Variants in ANK2 observed in about 807,000 individuals in gnomAD.
ANK2 encodes the protein ankyrin 2.
ANK2 carries 83 observed loss-of-function variants against 360.5 expected under a neutral mutation model. That is an observed-to-expected ratio of 0.23 (90% confidence interval 0.19 to 0.28). ANK2 has a LOEUF of 0.28. Among genes scored for constraint, ANK2 ranks in the 10% least tolerant of loss-of-function variants. ANK2 has a pLI of 1.00. For synonymous variants in ANK2, 1,740 were observed against 1,759.5 expected (o/e 0.99, Z 0.28); for missense variants, 4,201 against 4,795.7 (o/e 0.88, Z 3.66).
chr4:113,338,650 C>T (rs1282851995), intron 31 of ANK2, among the ~76,000 whole-genome samples: 2 of 148,244 alleles, frequency 1.3e-5, no homozygotes, highest in African/African-American at 2.5e-5. Flanking sequence ...CCTGGGTTCA[C>T]GCCATTCTCC....
chr4:113,175,417 T>C (rs185905904), intron 2 of ANK2, among the ~76,000 whole-genome samples: 46 of 152,324 alleles, frequency 3.0e-4, no homozygotes, highest in African/African-American at 1.1e-3. Flanking sequence ...CCCTAATTCC[T>C]ACCTGCTGAT....
intron 45 of ANK2, among the ~76,000 whole-genome samples, 192 bp from the exon 46 acceptor site, chr4:113,381,265 C>T (rs1019500514): frequency 1.3e-5 from 2 of 151,982 alleles, no homozygotes; most frequent in Non-Finnish European, 2.9e-5. Flanking sequence ...TCTCATGAAT[C>T]GTTTGAGAGA....
intron 2 of ANK2, chr4:113,033,874 T>A (rs558590521): frequency 6.6e-6 from 1 of 152,142 alleles, no homozygotes; most frequent in South Asian, 2.1e-4. Context: ...TGCCTGGCTG[T>A]CTGAATTATA....
At chr4:112,826,994 A>T (rs2058553389) in intron 1 of ANK2, 1 of 1,518,682 alleles carries the variant, frequency 6.6e-7, no homozygotes, top group East Asian at 2.2e-5. Flanking sequence ...TTTTTATTGG[A>T]GTTCTACAAA....
chr4:112,921,737 T>C (rs1380999808), intron 2 of ANK2, among the ~76,000 whole-genome samples: 1 of 152,202 alleles, frequency 6.6e-6, no homozygotes, highest in African/African-American at 2.4e-5. Flanking sequence ...AAATGTTTGT[T>C]ATCATGGCTG....
At chr4:112,929,943 A>T (rs2093003202) in intron 2 of ANK2, among the ~76,000 whole-genome samples, 1 of 152,166 alleles carries the variant, frequency 6.6e-6, no homozygotes. Flanking sequence ...CCCAGTTAGG[A>T]GACTGTGATA....
intron 4 of ANK2, among the ~76,000 whole-genome samples, chr4:113,223,257 C>G (rs1037407575): frequency 6.6e-6 from 1 of 152,156 alleles, no homozygotes; most frequent in Non-Finnish European, 1.5e-5. Flanking sequence ...TGTGAACATC[C>G]TCCTAGCATG....
At chr4:112,934,580 C>T (rs1336879424) in intron 2 of ANK2, among the ~76,000 whole-genome samples, 1 of 152,190 alleles carries the variant, frequency 6.6e-6, no homozygotes, top group Middle Eastern at 3.2e-3. Context: ...CCCGCTTCCT[C>T]TCCTCAGTAT....
chr4:113,377,451 C>T (rs755469152), intron 45 of ANK2, among the ~76,000 whole-genome samples: 16 of 152,032 alleles, frequency 1.1e-4, no homozygotes, highest in African/African-American at 2.4e-5. Context: ...CATTATATTA[C>T]CTTGCTAAAA....
chr4:113,109,366 A>G (rs554261209), intron 1 of ANK2, among the ~76,000 whole-genome samples: 197 of 152,294 alleles, frequency 1.3e-3, no homozygotes, highest in Non-Finnish European at 1.6e-3. Flanking sequence ...TTGTGGTCAC[A>G]AGTGACTTGT....
At chr4:113,236,948 A>G (rs1174613308) in intron 5 of ANK2, 39 bp from the exon 6 acceptor site, 4 of 1,592,128 alleles carry the variant, frequency 2.5e-6, no homozygotes, top group Non-Finnish European at 3.4e-6. Flanking sequence ...CTAGCATCTG[A>G]AGATGTTAAC....
intron 1 of ANK2, among the ~76,000 whole-genome samples, chr4:113,148,520 A>G (rs1022787299): frequency 6.6e-6 from 1 of 152,082 alleles, no homozygotes; most frequent in Non-Finnish European, 1.5e-5. Flanking sequence ...GGTTTTTCGT[A>G]TGAGCTTTTT....
intron 14 of ANK2, among the ~76,000 whole-genome samples, chr4:113,268,282 A>T (rs1378416143): frequency 3.3e-5 from 5 of 152,126 alleles, no homozygotes; most frequent in Admixed American, 6.6e-5. Flanking sequence ...AACTTCCAAT[A>T]CTATGTTGAA....
chr4:113,332,905 T>G, intron 28 of ANK2, 149 bp from the exon 29 acceptor site: 2 of 1,105,038 alleles, frequency 1.8e-6, no homozygotes, highest in Admixed American at 3.7e-5. Flanking sequence ...TGTGACCATC[T>G]GCTAGCCAGT....
intron 1 of ANK2, among the ~76,000 whole-genome samples, chr4:112,890,654 G>A (rs1480230356): frequency 3.2e-5 from 4 of 124,144 alleles, no homozygotes; most frequent in East Asian, 2.8e-4. Flanking sequence ...CGCAACCTCC[G>A]CCTCCCAGGT....
chr4:112,947,875 T>C (rs953464593), intron 2 of ANK2, among the ~76,000 whole-genome samples: 6 of 152,216 alleles, frequency 3.9e-5, no homozygotes, highest in African/African-American at 1.4e-4. Flanking sequence ...TGTCAGTGAA[T>C]ACAGTGCAGA....
intron 18 of ANK2, among the ~76,000 whole-genome samples, chr4:113,286,888 G>A (rs1327424393): frequency 6.6e-6 from 1 of 152,114 alleles, no homozygotes; most frequent in African/African-American, 2.4e-5. Context: ...AACATGTAAG[G>A]CTACCAGAGT....
intron 1 of ANK2, among the ~76,000 whole-genome samples, chr4:112,897,230 G>T (rs1304115446): frequency 6.6e-6 from 1 of 152,168 alleles, no homozygotes; most frequent in Admixed American, 6.5e-5. Context: ...CCCCATGACA[G>T]AAGTTGTTTC....
chr4:113,110,010 G>A (rs769212816), intron 1 of ANK2, among the ~76,000 whole-genome samples: 2 of 152,014 alleles, frequency 1.3e-5, no homozygotes, highest in African/African-American at 2.4e-5. Context: ...TGCACGAGTG[G>A]GCATAAAATG....
Sources: gnomAD v4.1 joint callset for allele counts (sites outside exome capture counted in the v4.1 genomes callset) on GRCh38, gnomAD v4.1.1 for gene constraint, MANE v1.5 for transcripts, NCBI Gene and HGNC (gene_info 2026-07-23, HGNC 2026-07-21) for gene names.